YIPF4: variants seen among roughly 807,000 people sequenced by gnomAD.
YIPF4 encodes the protein protein YIPF4.
A neutral mutation model predicts 29.4 loss-of-function variants in YIPF4; 18 were observed. The observed-to-expected ratio is 0.61, with a 90% CI of 0.42 to 0.91. The LOEUF is 0.91. Ranked by LOEUF, YIPF4 falls within the 40% of genes least tolerant of loss-of-function variation. YIPF4 has a pLI of 0.00. For missense variants in YIPF4, 279 were observed against 282.7 expected (o/e 0.99, Z 0.09); for synonymous variants, 115 against 104.7 (o/e 1.10, Z -0.60).
intron 1 of YIPF4, 116 bp from the exon 2 acceptor site, chr2:32,290,364 TAGC>T: frequency 1.6e-6 from 1 of 627,694 alleles, no homozygotes; most frequent in Non-Finnish European, 2.4e-6. Context: ...TTATATGCAA[TAGC>T]AGATGTTCTT....
At position 32,309,757 on chromosome 2, in the gene YIPF4, C is replaced by T. The variant is rs899085995; in HGVS notation, c.*4131C>T. ...CAGGCTGGAGTGTGTGGCGCAATCT[C>T]AGCTCACTGCAACCTCTGATTCCTG... On this transcript the variant is annotated 3_prime_UTR_variant, in exon 6 of 6. Coordinates refer to ENST00000238831, the MANE Select transcript of YIPF4 (RefSeq NM_032312.4). 55 of 145,038 alleles carry T rather than the reference C, an allele frequency of 3.8e-4. 1 individual carries two copies. The highest frequency in any genetic ancestry group is 1.3e-3 in the African/African-American group (50 of 38,794). 9.0% of individuals were successfully genotyped at this position (145,038 alleles called of 1,614,324 possible).
chr2:32,293,633 G>A (rs1440448367), intron 3 of YIPF4, among the ~76,000 whole-genome samples: 2 of 152,212 alleles, frequency 1.3e-5, no homozygotes, highest in Non-Finnish European at 2.9e-5. Flanking sequence ...GTGGTGGCCA[G>A]GCAGAGGGGC....
At chr2:32,294,352 G>T (rs1244141150) in intron 3 of YIPF4, among the ~76,000 whole-genome samples, 8 of 151,926 alleles carry the variant, frequency 5.3e-5, no homozygotes, top group Non-Finnish European at 1.5e-5. Context: ...TTCTCAGACA[G>T]GGCGGCTGGG....
In YIPF4 at chr2:32,277,940, G is replaced by A; in HGVS notation, c.-216G>A. 3.8e-6 allele frequency: 2 copies of A among 527,388 alleles called. No individual in the cohort carries two copies. The highest frequency in any genetic ancestry group is 3.5e-5 in the East Asian group (1 of 28,642). 32.7% of individuals were successfully genotyped at this position (527,388 alleles called of 1,614,324 possible). ...GGTCCTGTCAGGGTGCCGGCGTCGT[G>A]GTGCTTGGGTGGTCGCCACCAAGAA... On this transcript the variant is annotated 5_prime_UTR_variant, in exon 1 of 6. Coordinates refer to ENST00000238831, the MANE Select transcript of YIPF4 (RefSeq NM_032312.4).
intron 4 of YIPF4, among the ~76,000 whole-genome samples, chr2:32,300,699 G>A (rs115559836): frequency 0.013 from 1,952 of 152,088 alleles, 53 homozygotes; most frequent in African/African-American, 0.044. Flanking sequence ...GTATCATTAC[G>A]TGTTTTGGTA....
intron 1 of YIPF4, among the ~76,000 whole-genome samples, chr2:32,282,625 G>A (rs1239756781): frequency 1.3e-5 from 2 of 151,902 alleles, no homozygotes; most frequent in Admixed American, 1.3e-4. Flanking sequence ...GTAGACACGG[G>A]GTTTCACCAC....
chr2:32,302,033 CTT>C (rs753050630), intron 5 of YIPF4, among the ~76,000 whole-genome samples: 30 of 134,310 alleles, frequency 2.2e-4, no homozygotes, highest in Admixed American at 5.3e-4. Flanking sequence ...TTCTTTCTTT[CTT>C]TTTTTTTTTT....
intron 1 of YIPF4, among the ~76,000 whole-genome samples, chr2:32,286,707 A>G (rs928256701): frequency 8.6e-5 from 13 of 152,006 alleles, no homozygotes; most frequent in East Asian, 1.9e-4. Flanking sequence ...CACCACACCC[A>G]GCTAATTTTT....
chr2:32,287,549 A>C (rs1481708348), intron 1 of YIPF4, among the ~76,000 whole-genome samples: 2 of 152,218 alleles, frequency 1.3e-5, no homozygotes, highest in Admixed American at 6.5e-5. Flanking sequence ...GAACTTGTCT[A>C]GGGGCAGATC....
chr2:32,302,908 C>T (rs1050378315), intron 5 of YIPF4, among the ~76,000 whole-genome samples: 2 of 152,130 alleles, frequency 1.3e-5, no homozygotes, highest in Non-Finnish European at 2.9e-5. Flanking sequence ...CATTGGGAAT[C>T]GAAAATGTGT....
chr2:32,287,956 C>G (rs953615331), intron 1 of YIPF4, among the ~76,000 whole-genome samples: 2 of 152,114 alleles, frequency 1.3e-5, no homozygotes, highest in African/African-American at 4.8e-5. Flanking sequence ...GTTTTACTAT[C>G]TGGACGTCTA....
rs2031565521 is a variant in YIPF4 at position 32,305,882 on chromosome 2, G to A, written c.*256G>A. ...AGTGAATAAAATACAAAAGCATTGTGTTTTTAAGATTGTGTCGATATTCAC... is the reference window on the plus strand; with the variant it reads ...AGTGAATAAAATACAAAAGCATTGTATTTTTAAGATTGTGTCGATATTCAC... On this transcript the variant is annotated 3_prime_UTR_variant, in exon 6 of 6. Transcript: ENST00000238831. 6 of 1,086,224 alleles carry A rather than the reference G, an allele frequency of 5.5e-6. No individual in the cohort carries two copies. Among genetic ancestry groups the A allele is most frequent in the African/African-American group, 1.6e-5 (1 of 60,940 alleles). 67.3% of individuals were successfully genotyped at this position (1,086,224 alleles called of 1,614,324 possible). A position where few individuals can be genotyped will look rare whatever the true frequency, so the allele number is the denominator to read the frequency against.
chr2:32,278,277 A>C, intron 1 of YIPF4, 43 bp downstream of exon 1: 1 of 1,519,272 alleles, frequency 6.6e-7, no homozygotes, highest in Non-Finnish European at 8.9e-7. Flanking sequence ...GGAGGAAGCC[A>C]GGGCCCGACG....
chr2:32,301,042 G>T (rs1346369134), intron 4 of YIPF4, among the ~76,000 whole-genome samples: 4 of 152,270 alleles, frequency 2.6e-5, no homozygotes, highest in East Asian at 3.9e-4. Context: ...GATGGTTGTA[G>T]TCCCTTTAAA....
At chr2:32,285,656 CTTT>C (rs1177156259) in intron 1 of YIPF4, among the ~76,000 whole-genome samples, 14 of 137,846 alleles carry the variant, frequency 1.0e-4, no homozygotes, top group Admixed American at 1.5e-4. Context: ...TTAGTTTTTC[CTTT>C]TTTTTTTTTT....
intron 1 of YIPF4, among the ~76,000 whole-genome samples, chr2:32,286,627 C>G (rs1003670427): frequency 3.3e-5 from 5 of 151,846 alleles, no homozygotes; most frequent in Non-Finnish European, 5.9e-5. Flanking sequence ...CTCAGTGCAA[C>G]CTCCACCTCC....
chr2:32,303,474 C>A (rs539925179), intron 5 of YIPF4, among the ~76,000 whole-genome samples: 2 of 152,018 alleles, frequency 1.3e-5, no homozygotes, highest in African/African-American at 2.4e-5. Flanking sequence ...TTTGGCAGGC[C>A]GAGGCAGGTG....
At chr2:32,289,139 C>G (rs1369127949) in intron 1 of YIPF4, among the ~76,000 whole-genome samples, 1 of 152,088 alleles carries the variant, frequency 6.6e-6, no homozygotes. Flanking sequence ...GTGGTGAATT[C>G]AAATCTGGTT....
intron 5 of YIPF4, among the ~76,000 whole-genome samples, chr2:32,304,746 C>T (rs925866476): frequency 1.3e-5 from 2 of 152,116 alleles, no homozygotes; most frequent in Non-Finnish European, 2.9e-5. Context: ...TAGAGTTTCC[C>T]TGAATTTCCT....
Sources: gnomAD v4.1 joint callset for allele counts (sites outside exome capture counted in the v4.1 genomes callset) on GRCh38, gnomAD v4.1.1 for gene constraint, MANE v1.5 for transcripts, NCBI Gene and HGNC (gene_info 2026-07-23, HGNC 2026-07-21) for gene names.